Variants in KCNH8 observed in about 807,000 individuals in gnomAD.
KCNH8 encodes potassium voltage-gated channel subfamily H member 8.
Under a neutral mutation model 103.6 loss-of-function variants are expected in KCNH8, and 70 were observed. That is an observed-to-expected ratio of 0.68 (90% CI 0.56 to 0.82). The LOEUF is 0.82. Ranked by LOEUF, KCNH8 falls within the 40% of genes least tolerant of loss-of-function variation. The pLI is 0.00. For synonymous variants in KCNH8, 498 were observed against 489.4 expected, an observed-to-expected ratio of 1.02 and a Z score of -0.23; for missense variants, 1,217 against 1,329.9, an observed-to-expected ratio of 0.92 and a Z score of 1.32.
intron 2 of KCNH8, among the ~76,000 whole-genome samples, chr3:19,267,963 G>A (rs2064536145): frequency 6.6e-6 from 1 of 152,104 alleles, no homozygotes; most frequent in Non-Finnish European, 1.5e-5. Context: ...CACATAATAT[G>A]TGCTCAGTAA....
intron 10 of KCNH8, 25 bp downstream of exon 10, chr3:19,451,429 A>G (rs773574204): frequency 6.2e-7 from 1 of 1,606,832 alleles, no homozygotes; most frequent in African/African-American, 1.3e-5. Context: ...AAAAACTTGT[A>G]TGAAATTTGA....
intron 1 of KCNH8, among the ~76,000 whole-genome samples, chr3:19,246,492 G>A (rs2064208526): frequency 6.6e-6 from 1 of 151,740 alleles, no homozygotes; most frequent in African/African-American, 2.4e-5. Context: ...GGCCAGGATG[G>A]TCTCGATCTC....
chr3:19,293,167 C>T (rs1255740340), intron 3 of KCNH8, among the ~76,000 whole-genome samples: 1 of 152,138 alleles, frequency 6.6e-6, no homozygotes, highest in Non-Finnish European at 1.5e-5. Flanking sequence ...GTAAAGTGAA[C>T]TGCCCAATGC....
At chr3:19,500,307 A>G (rs2068550078) in intron 11 of KCNH8, among the ~76,000 whole-genome samples, 1 of 152,194 alleles carries the variant, frequency 6.6e-6, no homozygotes, top group East Asian at 1.9e-4. Flanking sequence ...TGACCTACAA[A>G]GAGACTTAGA....
intron 15 of KCNH8, among the ~76,000 whole-genome samples, chr3:19,529,566 G>C (rs914838204): frequency 2.6e-5 from 4 of 152,152 alleles, no homozygotes; most frequent in African/African-American, 9.7e-5. Flanking sequence ...TTCAACATTT[G>C]ATGAAGACTG....
intron 10 of KCNH8, among the ~76,000 whole-genome samples, chr3:19,454,006 G>A (rs113361211): frequency 1.3e-5 from 2 of 152,184 alleles, no homozygotes; most frequent in African/African-American, 4.8e-5. Context: ...CTCAGTTCTT[G>A]TCTCATCCTC....
At chr3:19,338,938 G>A (rs1327071331) in intron 3 of KCNH8, among the ~76,000 whole-genome samples, 1 of 151,824 alleles carries the variant, frequency 6.6e-6, no homozygotes, top group Non-Finnish European at 1.5e-5. Flanking sequence ...TGGACATTTG[G>A]CTTATTTCTA....
chr3:19,308,650 GTCTCTCTCTCTCTCTCTCTCTC>G lies in KCNH8; in HGVS notation c.442+27368_442+27389del, dbSNP rs1163604706. Among the ~76,000 whole-genome samples the G allele has an allele frequency of 4.3e-3, 222 of 51,356 alleles. 11 individuals are homozygous for G. The highest frequency in any genetic ancestry group is 5.0e-3 in the African/African-American group (62 of 12,310). The allele number at this position is 51,356 out of a possible 152,430, so 33.7% of individuals were successfully genotyped here. A position where few individuals can be genotyped will look rare whatever the true frequency, so the allele number is the denominator to read the frequency against. ...ATGAAAAGACCCTGTGAATGTTGGG[GTCTCTCTCTCTCTCTCTCTCTC>G]TCTCTCTCTCTCTCTCTCTCTCTCT... is the stretch of plus-strand genomic sequence containing the variant. On this transcript the variant is annotated intron_variant, in intron 3 of 15. Coordinates refer to ENST00000328405, the MANE Select transcript of KCNH8 (RefSeq NM_144633.3).
intron 11 of KCNH8, among the ~76,000 whole-genome samples, chr3:19,500,085 C>T (rs564282187): frequency 2.0e-4 from 30 of 152,016 alleles, no homozygotes; most frequent in Admixed American, 4.6e-4. Context: ...AATTAAAGGA[C>T]GGAGGAAGAT....
intron 2 of KCNH8, among the ~76,000 whole-genome samples, chr3:19,279,593 A>C (rs942040640): frequency 3.3e-5 from 5 of 152,026 alleles, no homozygotes; most frequent in Non-Finnish European, 7.4e-5. Flanking sequence ...AATAAGGAGG[A>C]AATCATGACT....
chr3:19,234,150 C>G (rs1426100542), intron 1 of KCNH8, among the ~76,000 whole-genome samples: 2 of 152,188 alleles, frequency 1.3e-5, no homozygotes, highest in East Asian at 3.9e-4. Flanking sequence ...CTGTTTGGTG[C>G]GTTCACAATC....
chr3:19,498,563 GC>G (rs1399472878), intron 11 of KCNH8, among the ~76,000 whole-genome samples: 1 of 151,978 alleles, frequency 6.6e-6, no homozygotes, highest in Non-Finnish European at 1.5e-5. Context: ...ATCGTCTGAA[GC>G]CTTCTTCTCT....
At chr3:19,472,449 T>G (rs148781669) in intron 11 of KCNH8, among the ~76,000 whole-genome samples, 1 of 152,264 alleles carries the variant, frequency 6.6e-6, no homozygotes, top group South Asian at 2.1e-4. Flanking sequence ...GCTGTTCTTA[T>G]GATAGTGAAT....
rs33915638 is a variant in KCNH8, at chr3:19,533,453, A to G, written c.2678A>G (p.Gln893Arg). 0.094 allele frequency: 152,089 copies of G among 1,613,960 alleles called. 7,354 individuals are homozygous for G. Among genetic ancestry groups the G allele is most frequent in the South Asian group, 0.12 (11,358 of 91,080 alleles). The change falls in exon 16 of 16, where the codon CAG becomes CGG. Residue 893 changes from glutamine to arginine, a missense_variant. Around this residue, in one of 3 missense-constraint regions of KCNH8, gnomAD observed 558 missense variants for 495.8 expected, o/e 1.13. Coordinates refer to ENST00000328405, the MANE Select transcript of KCNH8 (RefSeq NM_144633.3). ...QLGKDMRNVI[Q>R]LLENVLSPQQ... ...GGTAAAGACATGAGAAATGTGATCC[A>G]GCTTCTGGAAAACGTTCTGTCACCT...
intron 7 of KCNH8, among the ~76,000 whole-genome samples, chr3:19,431,327 G>A (rs1458546352): frequency 1.3e-5 from 2 of 152,266 alleles, no homozygotes; most frequent in Admixed American, 6.5e-5. Context: ...CATTTCTGGC[G>A]TGAAGCCTAC....
chr3:19,369,568 TA>T (rs1018051505), intron 5 of KCNH8, among the ~76,000 whole-genome samples: 1 of 152,070 alleles, frequency 6.6e-6, no homozygotes, highest in Non-Finnish European at 1.5e-5. Context: ...ATTCATTCAC[TA>T]AATTTATGCA....
At chr3:19,487,677 T>C (rs2068238176) in intron 11 of KCNH8, among the ~76,000 whole-genome samples, 1 of 152,130 alleles carries the variant, frequency 6.6e-6, no homozygotes, top group South Asian at 2.1e-4. Flanking sequence ...CCTGGCTCGG[T>C]TAGAAAAAGT....
At chr3:19,313,664 A>G (rs1358774575) in intron 3 of KCNH8, among the ~76,000 whole-genome samples, 1 of 151,722 alleles carries the variant, frequency 6.6e-6, no homozygotes, top group Non-Finnish European at 1.5e-5. Context: ...ATTGAAGTAT[A>G]CATTCTTTTT....
chr3:19,227,777 G>A (rs921305775), intron 1 of KCNH8, among the ~76,000 whole-genome samples: 4 of 152,232 alleles, frequency 2.6e-5, no homozygotes, highest in African/African-American at 9.6e-5. Context: ...CCCAGTGAGC[G>A]GCAACAAGGG....
Sources: gnomAD v4.1 joint callset for allele counts (sites outside exome capture counted in the v4.1 genomes callset) on GRCh38, gnomAD v4.1.1 for gene constraint, gnomAD v4.1.1 regional missense constraint, MANE v1.5 for transcripts, NCBI Gene and HGNC (gene_info 2026-07-23, HGNC 2026-07-21) for gene names.